TCF12: variants seen among roughly 807,000 people sequenced by gnomAD.
TCF12 encodes transcription factor 12, also known as DNA-binding protein HTF4.
In TCF12, 45 loss-of-function variants were observed where a neutral mutation model predicts 86.0. The ratio of observed to expected loss-of-function variants is 0.52; its 90% CI spans 0.41 to 0.67. The LOEUF (loss-of-function observed/expected upper bound fraction) is 0.67, where lower values mean the gene tolerates loss of function less well. TCF12 is among the 30% of genes least tolerant of loss of function. The pLI is 0.00. For synonymous variants in TCF12, 330 were observed against 299.6 expected (o/e 1.10, Z -1.05); for missense variants, 881 against 859.9 (o/e 1.02, Z -0.31).
rs149296063 is a variant in TCF12 at position 56,937,727 on chromosome 15, C to T, written c.148+16629C>T. 9.9e-5 allele frequency among the ~76,000 whole-genome samples: 15 copies of T among 151,970 alleles called. No homozygotes were observed. The East Asian group carries it at 2.9e-3, about 29-fold the overall frequency. On this transcript the variant is annotated intron_variant, in intron 3 of 20. Transcript: ENST00000333725. ...TACATTGAGGTATGTCTCTTATATG[C>T]CAGTTTTGCTGAGGATTTTAATCAT... is the stretch of plus-strand genomic sequence containing the variant.
intron 3 of TCF12, among the ~76,000 whole-genome samples, chr15:57,012,324 G>A (rs569992622): frequency 6.6e-6 from 1 of 152,310 alleles, no homozygotes; most frequent in African/African-American, 2.4e-5. Flanking sequence ...TATTTAATAT[G>A]TTCATAACTT....
At chr15:57,015,436 A>T (rs1371245675) in intron 3 of TCF12, among the ~76,000 whole-genome samples, 1 of 152,222 alleles carries the variant, frequency 6.6e-6, no homozygotes. Flanking sequence ...CATGCAAAAT[A>T]GCTGTCAATA....
intron 3 of TCF12, among the ~76,000 whole-genome samples, chr15:57,011,692 A>G (rs950516903): frequency 6.6e-6 from 1 of 152,082 alleles, no homozygotes; most frequent in Non-Finnish European, 1.5e-5. Context: ...TGCAGACACC[A>G]AAACAGTCCT....
intron 5 of TCF12, among the ~76,000 whole-genome samples, chr15:57,094,122 A>G (rs1255870696): frequency 3.3e-5 from 5 of 152,172 alleles, no homozygotes; most frequent in Admixed American, 2.6e-4. Context: ...TCCTGGCCTC[A>G]AGTGATCCTT....
chr15:57,094,763 C>A (rs1347638958), intron 5 of TCF12, among the ~76,000 whole-genome samples: 1 of 152,074 alleles, frequency 6.6e-6, no homozygotes, highest in Admixed American at 6.5e-5. Flanking sequence ...CTGTTGCTGT[C>A]AACATATAAA....
intron 5 of TCF12, among the ~76,000 whole-genome samples, chr15:57,115,770 G>A (rs761368813): frequency 6.6e-6 from 1 of 152,204 alleles, no homozygotes; most frequent in South Asian, 2.1e-4. Flanking sequence ...GGCGTGTGGT[G>A]TACCATGGAT....
At chr15:57,256,381 A>G (rs1299203811) in intron 16 of TCF12, among the ~76,000 whole-genome samples, 16 of 152,138 alleles carry the variant, frequency 1.1e-4, no homozygotes, top group Admixed American at 9.2e-4. Flanking sequence ...TCAACTCTTC[A>G]TATTCTTTCA....
intron 3 of TCF12, among the ~76,000 whole-genome samples, chr15:57,039,890 G>A (rs909728201): frequency 2.6e-5 from 4 of 152,128 alleles, no homozygotes; most frequent in African/African-American, 4.8e-5. Context: ...CAGAAGTCAT[G>A]ATTGCCTGTC....
intron 5 of TCF12, among the ~76,000 whole-genome samples, chr15:57,106,097 G>C (rs1391112812): frequency 6.6e-6 from 1 of 152,190 alleles, no homozygotes; most frequent in Non-Finnish European, 1.5e-5. Flanking sequence ...CTGATAGAAA[G>C]ATCTCTGAGA....
chr15:57,238,794 C>T (rs1460880146), intron 12 of TCF12, among the ~76,000 whole-genome samples: 1 of 152,062 alleles, frequency 6.6e-6, no homozygotes, highest in Non-Finnish European at 1.5e-5. Flanking sequence ...CTTCAAAGAG[C>T]TTGTAGTCAA....
chr15:57,241,387 C>T (rs568025170), intron 12 of TCF12, among the ~76,000 whole-genome samples: 2 of 152,112 alleles, frequency 1.3e-5, no homozygotes, highest in Admixed American at 6.6e-5. Flanking sequence ...CTACCGCACC[C>T]GGCCTATTAT....
intron 4 of TCF12, among the ~76,000 whole-genome samples, chr15:57,091,244 G>T (rs1405073536): frequency 1.3e-5 from 2 of 150,938 alleles, no homozygotes; most frequent in Non-Finnish European, 2.9e-5. Flanking sequence ...ATTTAGGAAA[G>T]GATTCATTTC....
rs142484677 is a variant in TCF12 at position 57,282,556 on chromosome 15, G to C, written c.2090G>C (p.Ser697Thr). Residue 697 changes from serine to threonine, a missense_variant, in exon 20 of 21, where the codon AGT becomes ACT. This residue lies in a region of TCF12 where 69 missense variants were observed against 64.2 expected (regional missense o/e 1.07). Coordinates refer to ENST00000333725, the MANE Select transcript of TCF12 (RefSeq NM_207037.2). The stretch of plus-strand genomic sequence containing the variant: ...CTGCCAGGAACCCATCCTGGGCTTA[G>C]TGAAACTACCAACCCTATGGGTCAT... Reference protein sequence around the residue: ...TTLPGTHPGLSETTNPMGHM With the variant: ...TTLPGTHPGLTETTNPMGHM 1.2e-6 allele frequency: 2 copies of C among 1,614,092 alleles called. No individual in the cohort carries two copies. Among genetic ancestry groups the C allele is most frequent in the African/African-American group, 2.7e-5 (2 of 74,938 alleles).
At chr15:56,936,621 TTAAG>T (rs1180005468) in intron 3 of TCF12, among the ~76,000 whole-genome samples, 1 of 152,214 alleles carries the variant, frequency 6.6e-6, no homozygotes, top group Non-Finnish European at 1.5e-5. Flanking sequence ...GGTCTTAGAT[TTAAG>T]TTTTTGATCC....
intron 5 of TCF12, among the ~76,000 whole-genome samples, chr15:57,139,654 A>C (rs1327835384): frequency 6.6e-6 from 1 of 152,120 alleles, no homozygotes; most frequent in Non-Finnish European, 1.5e-5. Context: ...TACTTCTTTA[A>C]ACCAAAAAAA....
intron 13 of TCF12, chr15:57,247,294 AC>A: frequency 1.5e-6 from 1 of 655,300 alleles, no homozygotes. Context: ...CTCTGCTGCC[AC>A]CACCTTCACC....
chr15:57,012,498 C>G (rs927089179), intron 3 of TCF12, among the ~76,000 whole-genome samples: 2 of 152,104 alleles, frequency 1.3e-5, no homozygotes, highest in Non-Finnish European at 2.9e-5. Flanking sequence ...AAGTGTGGCT[C>G]TCAGGAATTA....
intron 8 of TCF12, among the ~76,000 whole-genome samples, chr15:57,217,956 G>A (rs140838796): frequency 6.6e-6 from 1 of 152,264 alleles, no homozygotes; most frequent in East Asian, 1.9e-4. Flanking sequence ...GCTGTACAGC[G>A]ATGTTCTTTT....
At chr15:57,257,798 TTGGC>T (rs1441381385) in intron 16 of TCF12, among the ~76,000 whole-genome samples, 1 of 151,972 alleles carries the variant, frequency 6.6e-6, no homozygotes, top group Non-Finnish European at 1.5e-5. Flanking sequence ...CAGTAACCAT[TTGGC>T]TGAGCATTTC....
Sources: gnomAD v4.1 joint callset for allele counts (sites outside exome capture counted in the v4.1 genomes callset) on GRCh38, gnomAD v4.1.1 for gene constraint, gnomAD v4.1.1 regional missense constraint, MANE v1.5 for transcripts, NCBI Gene and HGNC (gene_info 2026-07-23, HGNC 2026-07-21) for gene names.